Variants in PAPPA2 observed in about 807,000 individuals in gnomAD.
The protein encoded by PAPPA2 is pappalysin-2.
PAPPA2 carries 86 observed loss-of-function variants against 176.4 expected under a neutral mutation model. The ratio of observed to expected loss-of-function variants is 0.49; its 90% confidence interval spans 0.41 to 0.58. The LOEUF (loss-of-function observed/expected upper bound fraction) is 0.58, where lower values mean the gene tolerates loss of function less well. Among genes scored for constraint, PAPPA2 ranks in the 20% least tolerant of loss-of-function variants. The pLI, the probability that PAPPA2 is intolerant of heterozygous loss-of-function variation, is 0.00. For synonymous variants in PAPPA2, 809 were observed against 852.2 expected, an observed-to-expected ratio of 0.95 and a Z score of 0.88; for missense variants, 2,073 against 2,256.9, an observed-to-expected ratio of 0.92 and a Z score of 1.65.
intron 1 of PAPPA2, among the ~76,000 whole-genome samples, chr1:176,486,633 G>A (rs984564951): frequency 2.0e-5 from 3 of 152,132 alleles, no homozygotes; most frequent in East Asian, 3.9e-4. Context: ...TTCAAATGGA[G>A]GAAAATCACA....
chr1:176,718,678 C>G (rs1661479625), intron 12 of PAPPA2, among the ~76,000 whole-genome samples: 1 of 149,770 alleles, frequency 6.7e-6, no homozygotes, highest in African/African-American at 2.5e-5. Context: ...AACTTGAAAA[C>G]ATATGTGGAT....
At chr1:176,472,552 G>A (rs1651930985) in intron 1 of PAPPA2, among the ~76,000 whole-genome samples, 1 of 152,052 alleles carries the variant, frequency 6.6e-6, no homozygotes, top group Admixed American at 6.6e-5. Flanking sequence ...CTTTTAATGG[G>A]AAATGGTACT....
At chr1:176,540,882 A>C (rs1286831640) in intron 1 of PAPPA2, among the ~76,000 whole-genome samples, 1 of 152,182 alleles carries the variant, frequency 6.6e-6, no homozygotes, top group South Asian at 2.1e-4. Flanking sequence ...CTGAGTTCTT[A>C]CTGGCTTACC....
chr1:176,758,099 C>T (rs535746000), intron 14 of PAPPA2, among the ~76,000 whole-genome samples: 3 of 152,226 alleles, frequency 2.0e-5, no homozygotes, highest in African/African-American at 4.8e-5. Context: ...GTCAGTTTGG[C>T]GTGATAATTC....
rs71565479 is a variant in PAPPA2, at chr1:176,708,530, TAG to T, written c.3458-1425_3458-1424del. ...AACAAAACAAAACTATACGTACATGTAGAGAGAGAGAGAGAGAGAGAGAGAGA... is the reference window on the plus strand; with the variant it reads ...AACAAAACAAAACTATACGTACATGTAGAGAGAGAGAGAGAGAGAGAGAGA... On this transcript the variant is annotated intron_variant, in intron 10 of 22. Transcript: ENST00000367662. Among the ~76,000 whole-genome samples, 425 of 145,312 alleles carry T rather than the reference TAG, an allele frequency of 2.9e-3. 1 individual carries two copies. Among genetic ancestry groups the T allele is most frequent in the African/African-American group, 3.5e-3 (139 of 39,340 alleles).
chr1:176,738,508 G>T (rs1417751147), intron 12 of PAPPA2, among the ~76,000 whole-genome samples: 1 of 152,112 alleles, frequency 6.6e-6, no homozygotes, highest in Non-Finnish European at 1.5e-5. Flanking sequence ...TTTAGAGGAA[G>T]GCCCTGTCAT....
rs193069263 is a variant in PAPPA2 at position 176,737,209 on chromosome 1, G to A, written c.3799-2417G>A. Among the ~76,000 whole-genome samples, 3 of 152,090 alleles carry A rather than the reference G, an allele frequency of 2.0e-5. No homozygotes were observed. The East Asian group carries it at 5.8e-4, about 29-fold the overall frequency. On this transcript the variant is annotated intron_variant, in intron 12 of 22. Transcript: ENST00000367662. ...ATCTCTATTTCTTAGTAGCAGAAAA[G>A]AGAAACCCTAGGCTCAGAGAAGAGA...
At chr1:176,588,986 T>C (rs1005192592) in intron 2 of PAPPA2, among the ~76,000 whole-genome samples, 1 of 152,046 alleles carries the variant, frequency 6.6e-6, no homozygotes, top group Admixed American at 6.5e-5. Context: ...AGGGATAGAG[T>C]CGCACATAGT....
rs1667601924 is a variant in PAPPA2 at position 176,844,697 on chromosome 1, A to T, written c.*2243A>T. 1 of 152,112 alleles carries T rather than the reference A, an allele frequency of 6.6e-6. No individual in the cohort carries two copies. The highest frequency in any genetic ancestry group is 2.4e-5 in the African/African-American group (1 of 41,432). The allele number at this position is 152,112 out of a possible 1,614,324, so 9.4% of individuals were successfully genotyped here. On this transcript the variant is annotated 3_prime_UTR_variant, in exon 23 of 23. Transcript: ENST00000367662. ...TTTCAAAATTTTATAAACTTGTTTT[A>T]TTGGGGAAAATGTCCAAATTGCTAG...
chr1:176,789,696 A>G, intron 17 of PAPPA2, 113 bp from the exon 18 acceptor site: 1 of 1,189,786 alleles, frequency 8.4e-7, no homozygotes, highest in Non-Finnish European at 1.2e-6. Context: ...GGCTCACAAG[A>G]ACCATCTGTC....
rs546881669 is a variant in PAPPA2, at chr1:176,561,526, C to CT, written c.919+4292dup. Among the ~76,000 whole-genome samples the CT allele has an allele frequency of 3.1e-3, 472 of 152,246 alleles. 10 individuals carry two copies. Among genetic ancestry groups the CT allele is most frequent in the Admixed American group, 0.025 (380 of 15,282 alleles). ...TAAAATGAGAATGATGGTAAACAGA[C>CT]TTTTTTTACAACACAGTCTAATGTG... On this transcript the variant is annotated intron_variant, in intron 2 of 22. Coordinates refer to ENST00000367662, the MANE Select transcript of PAPPA2 (RefSeq NM_020318.3).
chr1:176,490,861 G>A (rs557126934), intron 1 of PAPPA2, among the ~76,000 whole-genome samples: 6 of 152,090 alleles, frequency 3.9e-5, no homozygotes, highest in Admixed American at 6.6e-5. Flanking sequence ...GGTTCCCAAC[G>A]CCCCAAATAA....
intron 21 of PAPPA2, among the ~76,000 whole-genome samples, chr1:176,801,381 A>G (rs539986158): frequency 1.8e-4 from 27 of 152,206 alleles, no homozygotes; most frequent in Admixed American, 1.2e-3. Context: ...TTCTTGATCT[A>G]ATTCTGGGAA....
intron 1 of PAPPA2, among the ~76,000 whole-genome samples, chr1:176,521,453 G>A (rs969310025): frequency 2.0e-5 from 3 of 152,164 alleles, no homozygotes; most frequent in African/African-American, 7.2e-5. Flanking sequence ...CACAGTGAAT[G>A]AGGCCATTTT....
At chr1:176,739,560 T>G (rs752850840) in intron 12 of PAPPA2, 66 bp from the exon 13 acceptor site, 38 of 1,490,128 alleles carry the variant, frequency 2.6e-5, no homozygotes, top group Non-Finnish European at 3.4e-5. Context: ...GAATAAAAAT[T>G]GTATAGCACA....
intron 3 of PAPPA2, among the ~76,000 whole-genome samples, chr1:176,612,652 C>G (rs1654996251): frequency 6.6e-6 from 1 of 152,254 alleles, no homozygotes. Flanking sequence ...ACAGAAATTT[C>G]TCCTGGGGAC....
At chr1:176,552,345 G>A (rs1214801700) in intron 1 of PAPPA2, among the ~76,000 whole-genome samples, 1 of 104,358 alleles carries the variant, frequency 9.6e-6, no homozygotes, top group African/African-American at 3.9e-5. Flanking sequence ...CCCTCGCCTT[G>A]CTCCCTTCCC....
Position 176,526,805 on chromosome 1 carries a change from A to C in PAPPA2, c.-916-28602A>C, listed in dbSNP as rs192061549. ...TGGCACAGGGCTTGAGGTTGGAAGA[A>C]ATGAATTCAAGTCTCACTTTCTGCC... is the stretch of plus-strand genomic sequence containing the variant. On this transcript the variant is annotated intron_variant, in intron 1 of 22. Coordinates refer to ENST00000367662, the MANE Select transcript of PAPPA2 (RefSeq NM_020318.3). Among the ~76,000 whole-genome samples the C allele has an allele frequency of 1.5e-3, 221 of 152,340 alleles. 3 individuals are homozygous for C. Among genetic ancestry groups the C allele is most frequent in the Non-Finnish European group, 2.4e-3 (161 of 68,030 alleles).
At chr1:176,512,221 CAA>C (rs58968098) in intron 1 of PAPPA2, among the ~76,000 whole-genome samples, 51,868 of 105,252 alleles carry the variant, frequency 0.49, 9,402 homozygotes, top group East Asian at 0.7. Flanking sequence ...ACTAAATTTG[CAA>C]AAAAAAAAAA....
Sources: gnomAD v4.1 joint callset for allele counts (sites outside exome capture counted in the v4.1 genomes callset) on GRCh38, gnomAD v4.1.1 for gene constraint, MANE v1.5 for transcripts, NCBI Gene and HGNC (gene_info 2026-07-23, HGNC 2026-07-21) for gene names.